Variants in ANK1 observed in about 807,000 individuals in gnomAD.
The protein encoded by ANK1 is ankyrin 1.
Under a neutral mutation model 210.4 loss-of-function variants are expected in ANK1, and 51 were observed. That is an observed-to-expected ratio of 0.24 (90% CI 0.19 to 0.31). The LOEUF is 0.31. ANK1 is among the 10% of genes least tolerant of loss of function. ANK1 has a pLI of 1.00. For synonymous variants in ANK1, 967 were observed against 1,025.9 expected (o/e 0.94, Z 1.10); for missense variants, 2,051 against 2,504.4 (o/e 0.82, Z 3.86).
chr8:41,707,380 C>T (rs940532685), intron 17 of ANK1, among the ~76,000 whole-genome samples: 2 of 152,222 alleles, frequency 1.3e-5, no homozygotes, highest in Non-Finnish European at 2.9e-5. Context: ...AGACCGTGTC[C>T]CCTCTACAGG....
chr8:41,661,816 A>T (rs1808341994), intron 41 of ANK1, 60 bp downstream of exon 41: 1 of 1,614,016 alleles, frequency 6.2e-7, no homozygotes, highest in Non-Finnish European at 8.5e-7. Flanking sequence ...AGTGTTTCAT[A>T]AAGTAATCAA....
At chr8:41,711,109 C>T (rs1032398768) in intron 16 of ANK1, among the ~76,000 whole-genome samples, 1 of 152,162 alleles carries the variant, frequency 6.6e-6, no homozygotes, top group Non-Finnish European at 1.5e-5. Context: ...AATTAAACAA[C>T]ATGATTTTTG....
At chr8:41,885,521 G>A (rs549855199) in intron 1 of ANK1, among the ~76,000 whole-genome samples, 25 of 152,294 alleles carry the variant, frequency 1.6e-4, no homozygotes, top group East Asian at 3.9e-4. Flanking sequence ...CCATGTCGGC[G>A]GACAGGCCCT....
chr8:41,714,654 G>T (rs1285467317), intron 15 of ANK1, among the ~76,000 whole-genome samples: 1 of 152,176 alleles, frequency 6.6e-6, no homozygotes, highest in Non-Finnish European at 1.5e-5. Context: ...TGAGCCCAGA[G>T]TTCGAGACCA....
chr8:41,675,472 T>A (rs1239751267), intron 37 of ANK1, among the ~76,000 whole-genome samples: 1 of 152,198 alleles, frequency 6.6e-6, no homozygotes, highest in Non-Finnish European at 1.5e-5. Flanking sequence ...GAAAATAATA[T>A]AATTCCTACT....
chr8:41,785,082 G>C (rs778276835), intron 1 of ANK1, among the ~76,000 whole-genome samples: 5 of 152,224 alleles, frequency 3.3e-5, no homozygotes, highest in Non-Finnish European at 2.9e-5. Flanking sequence ...ATGAGACTGG[G>C]CATGATGGCT....
intron 1 of ANK1, among the ~76,000 whole-genome samples, chr8:41,847,324 T>G (rs1286560668): frequency 6.6e-6 from 1 of 152,138 alleles, no homozygotes; most frequent in African/African-American, 2.4e-5. Flanking sequence ...AGGAAGACGG[T>G]GCAGGTGGAT....
chr8:41,786,554 C>T (rs769917780), intron 1 of ANK1, among the ~76,000 whole-genome samples: 1 of 152,164 alleles, frequency 6.6e-6, no homozygotes, highest in African/African-American at 2.4e-5. Context: ...CTAATGGAGT[C>T]GAGAGAAGGG....
chr8:41,848,809 A>T (rs1810599354), intron 1 of ANK1, among the ~76,000 whole-genome samples: 2 of 152,166 alleles, frequency 1.3e-5, no homozygotes, highest in South Asian at 4.1e-4. Flanking sequence ...CGCATTTTAC[A>T]ACTGGATACA....
intron 1 of ANK1, among the ~76,000 whole-genome samples, chr8:41,871,530 C>T (rs1815494414): frequency 6.6e-6 from 1 of 152,106 alleles, no homozygotes; most frequent in Non-Finnish European, 1.5e-5. Flanking sequence ...AGGGAGAGCA[C>T]CATACGAAGA....
intron 1 of ANK1, among the ~76,000 whole-genome samples, chr8:41,870,987 A>AACTC (rs1385396776): frequency 1.3e-5 from 2 of 151,994 alleles, no homozygotes; most frequent in Non-Finnish European, 2.9e-5. Flanking sequence ...CAACAACCTC[A>AACTC]ACTCATGCTC....
At chr8:41,760,006 G>A (rs572019051) in intron 1 of ANK1, among the ~76,000 whole-genome samples, 1 of 152,242 alleles carries the variant, frequency 6.6e-6, no homozygotes, top group South Asian at 2.1e-4. Context: ...TTAACACCAG[G>A]CGCCCCCCAA....
At chr8:41,896,258 G>T in intron 1 of ANK1, 1 of 1,401,340 alleles carries the variant, frequency 7.1e-7, no homozygotes, top group Non-Finnish European at 9.2e-7. Context: ...CGCACCGGGC[G>T]CCGCGCCCCA....
chr8:41,775,061 CTT>C (rs34535090), intron 1 of ANK1, among the ~76,000 whole-genome samples: 2 of 150,310 alleles, frequency 1.3e-5, no homozygotes, highest in African/African-American at 4.9e-5. Flanking sequence ...AGGGACTCTT[CTT>C]TTTTTTTTCA....
chr8:41,716,962 G>A lies in ANK1; in HGVS notation c.1395C>T (p.Ala465=), dbSNP rs752923609. The change falls in exon 13 of 43, where the codon GCC becomes GCT. Residue 465 remains alanine, a synonymous_variant. Coordinates refer to ENST00000289734, the MANE Select transcript of ANK1 (RefSeq NM_000037.4). ...YLLQNKAKVN[A]KAKDDQTPLH... is the part of the protein sequence containing the mutation. ...TGCCTTCACTACTCACCTTGGCCTT[G>A]GCATTGACTTTGGCTTTGTTCTGGA... is the stretch of plus-strand genomic sequence containing the variant. 9 of 1,613,968 alleles carry A rather than the reference G, an allele frequency of 5.6e-6. No individual in the cohort carries two copies. In the East Asian group the frequency reaches 1.3e-4, roughly 24 times the overall value.
chr8:41,717,092 G>C lies in ANK1; in HGVS notation c.1306-41C>G, dbSNP rs370672247. On this transcript the variant is annotated intron_variant, in intron 12 of 42. Transcript: ENST00000289734. ...ATTATAGAACTGTTCATACATGCCT[G>C]CTGTCCAAAACGGCACACACAGAGC... 9.8e-5 allele frequency: 157 copies of C among 1,604,900 alleles called. No individual in the cohort carries two copies. The African/African-American group carries it at 2.0e-3, about 20-fold the overall frequency.
At chr8:41,841,185 A>G (rs997902049) in intron 1 of ANK1, among the ~76,000 whole-genome samples, 2 of 152,250 alleles carry the variant, frequency 1.3e-5, no homozygotes, top group African/African-American at 4.8e-5. Context: ...TTGAGAAAAT[A>G]TGGTCTATCC....
At chr8:41,733,196 G>C (rs1390560079) in intron 3 of ANK1, among the ~76,000 whole-genome samples, 2 of 152,212 alleles carry the variant, frequency 1.3e-5, no homozygotes, top group African/African-American at 2.4e-5. Context: ...TACTGAAATG[G>C]AGTGAAATAC....
At chr8:41,797,687 C>G (rs1456482007), upstream of ANK1, 29 of 1,249,438 alleles carry the variant, frequency 2.3e-5, no homozygotes, top group Non-Finnish European at 2.7e-5. The surrounding 1 kb of genome is among the most constrained non-coding windows in gnomAD (Gnocchi z 4.0). Context: ...CGCTTGCTGT[C>G]GGGCCGGGCG....
Sources: gnomAD v4.1 joint callset for allele counts (sites outside exome capture counted in the v4.1 genomes callset) on GRCh38, gnomAD v4.1.1 for gene constraint, Gnocchi (gnomAD v3.1) non-coding constraint, MANE v1.5 for transcripts, NCBI Gene and HGNC (gene_info 2026-07-23, HGNC 2026-07-21) for gene names.